Variants in TOM1L1 observed in about 807,000 individuals in gnomAD.
The protein encoded by TOM1L1 is TOM1-like protein 1.
Under a neutral mutation model 63.4 loss-of-function variants are expected in TOM1L1, and 64 were observed. That is an observed-to-expected ratio of 1.01 (90% confidence interval 0.83 to 1.24). TOM1L1 has a LOEUF of 1.24. TOM1L1 is among the 50% of genes most tolerant of loss of function. TOM1L1 has a pLI of 0.00. For missense variants in TOM1L1, 536 were observed against 567.0 expected, an observed-to-expected ratio of 0.95 and a Z score of 0.55; for synonymous variants, 166 against 194.4, an observed-to-expected ratio of 0.85 and a Z score of 1.22.
intron 7 of TOM1L1, among the ~76,000 whole-genome samples, chr17:54,923,244 T>C (rs1451771989): frequency 6.6e-6 from 1 of 152,212 alleles, no homozygotes; most frequent in African/African-American, 2.4e-5. Context: ...CTTTTGAGTA[T>C]CAACCTAAGA....
intron 7 of TOM1L1, among the ~76,000 whole-genome samples, chr17:54,924,788 AT>A (rs1216293298): frequency 9.9e-5 from 15 of 152,160 alleles, no homozygotes; most frequent in Non-Finnish European, 1.9e-4. Flanking sequence ...CTTCCCCTGG[AT>A]TTTATGTGAC....
intron 12 of TOM1L1, among the ~76,000 whole-genome samples, chr17:54,948,055 T>C (rs1414072156): frequency 1.3e-5 from 2 of 152,138 alleles, no homozygotes; most frequent in Non-Finnish European, 2.9e-5. Flanking sequence ...CCTTGGGTAA[T>C]AGCGCTTGAC....
intron 1 of TOM1L1, 134 bp from the exon 2 acceptor site, chr17:54,903,574 C>A (rs1252735091): frequency 3.9e-6 from 3 of 767,106 alleles, no homozygotes; most frequent in African/African-American, 1.8e-5. Flanking sequence ...AGAACTGTTC[C>A]AAAAAAAATC....
intron 7 of TOM1L1, among the ~76,000 whole-genome samples, chr17:54,922,243 A>C (rs1396130823): frequency 6.6e-6 from 1 of 152,048 alleles, no homozygotes; most frequent in Non-Finnish European, 1.5e-5. Context: ...CAGTGAGCCG[A>C]GATCAAGCCA....
At chr17:54,952,703 G>C (rs2049298032) in intron 14 of TOM1L1, 1 of 152,084 alleles carries the variant, frequency 6.6e-6, no homozygotes. Context: ...CCTCCTCCCT[G>C]TTCTGCTAAG....
intron 3 of TOM1L1, among the ~76,000 whole-genome samples, chr17:54,912,360 T>C (rs564708030): frequency 3.9e-5 from 6 of 152,314 alleles, no homozygotes; most frequent in Middle Eastern, 6.8e-3. Context: ...TATTATTCCA[T>C]CCATAGCTCA....
At chr17:54,928,361 A>G (rs183879885) in intron 7 of TOM1L1, among the ~76,000 whole-genome samples, 5 of 135,466 alleles carry the variant, frequency 3.7e-5, no homozygotes, top group Non-Finnish European at 3.2e-5. Flanking sequence ...ATAGATGGAA[A>G]AAAACCAAAA....
At chr17:54,943,668 A>G (rs1041900476) in intron 11 of TOM1L1, among the ~76,000 whole-genome samples, 5 of 152,210 alleles carry the variant, frequency 3.3e-5, no homozygotes, top group East Asian at 1.9e-4. Flanking sequence ...CCTAAAATCA[A>G]TGCTTTACTA....
rs147666479 is a variant in TOM1L1, at chr17:54,900,879, A to G, written c.14A>G (p.Lys5Arg). 20 of 1,613,658 alleles carry G rather than the reference A, an allele frequency of 1.2e-5. No individual in the cohort carries two copies. The highest frequency in any genetic ancestry group is 1.6e-5 in the Non-Finnish European group (19 of 1,180,010). Residue 5 changes from lysine (K) to arginine (R), a missense_variant, in exon 1 of 16, where the codon AAG becomes AGG. Lys to Arg is a conservative substitution (Grantham distance 26). Coordinates refer to ENST00000575882, the MANE Select transcript of TOM1L1 (RefSeq NM_005486.3). MAFG[K>R]SHRDPYATSV... ...TCTGGCGCTACCATGGCGTTTGGCA[A>G]GAGTCACCGGGATCCCTACGCGACC... is the stretch of plus-strand genomic sequence containing the variant.
At chr17:54,924,740 A>C (rs2048740773) in intron 7 of TOM1L1, among the ~76,000 whole-genome samples, 1 of 73,184 alleles carries the variant, frequency 1.4e-5, no homozygotes, top group East Asian at 3.5e-4. Context: ...AACATGATGT[A>C]ATCATTCAGT....
intron 10 of TOM1L1, 99 bp from the exon 11 acceptor site, chr17:54,938,821 TTTTC>T (rs1307338516): frequency 3.2e-6 from 2 of 623,742 alleles, no homozygotes; most frequent in South Asian, 2.8e-5. Flanking sequence ...TTTCTTTTTT[TTTTC>T]TTTTTCTTTT....
chr17:54,923,969 C>G (rs1263636604), intron 7 of TOM1L1, among the ~76,000 whole-genome samples: 2 of 151,868 alleles, frequency 1.3e-5, no homozygotes. Context: ...TCCAGCCTGG[C>G]GATACTACTT....
chr17:54,930,233 C>T, intron 8 of TOM1L1, 27 bp downstream of exon 8: 1 of 1,612,838 alleles, frequency 6.2e-7, no homozygotes, highest in Non-Finnish European at 8.5e-7. Context: ...CCCTCTTTAC[C>T]CCTCTTCCAT....
intron 11 of TOM1L1, among the ~76,000 whole-genome samples, chr17:54,945,954 T>C (rs1419146063): frequency 6.6e-6 from 1 of 152,212 alleles, no homozygotes; most frequent in African/African-American, 2.4e-5. Flanking sequence ...ATCTTGGACA[T>C]TTTTAATGTT....
At position 54,945,811 on chromosome 17, in the gene TOM1L1, G is replaced by A. The variant is rs148701802; in HGVS notation, c.1131-1450G>A. The stretch of plus-strand genomic sequence containing the variant: ...TTGTTTGCAGTTCTTTGGAGCATGT[G>A]TACAATAGCTGCCTTAAATATCTCT... On this transcript the variant is annotated intron_variant, in intron 11 of 15. Transcript: ENST00000575882. 3.4e-3 allele frequency among the ~76,000 whole-genome samples: 518 copies of A among 151,616 alleles called. 7 individuals are homozygous for A. The highest frequency in any genetic ancestry group is 0.012 in the African/African-American group (502 of 41,344).
At chr17:54,933,428 A>C (rs975677132) in intron 8 of TOM1L1, among the ~76,000 whole-genome samples, 1 of 152,226 alleles carries the variant, frequency 6.6e-6, no homozygotes, top group African/African-American at 2.4e-5. Flanking sequence ...TGAATTTAGA[A>C]AGTTAGTTTT....
chr17:54,921,566 T>G (rs2048684479), intron 7 of TOM1L1, among the ~76,000 whole-genome samples: 1 of 151,758 alleles, frequency 6.6e-6, no homozygotes, highest in African/African-American at 2.4e-5. Flanking sequence ...ATGTGAAACT[T>G]TGTCTCTACT....
At chr17:54,955,685 C>T (rs1447429331) in intron 14 of TOM1L1, among the ~76,000 whole-genome samples, 1 of 152,030 alleles carries the variant, frequency 6.6e-6, no homozygotes, top group Non-Finnish European at 1.5e-5. Context: ...GGCGATGTCT[C>T]TCAGTCTCCC....
At chr17:54,947,818 G>C (rs2049144708) in intron 12 of TOM1L1, among the ~76,000 whole-genome samples, 1 of 152,080 alleles carries the variant, frequency 6.6e-6, no homozygotes, top group Non-Finnish European at 1.5e-5. Context: ...TCATTCCTCT[G>C]TGGTCTTTTG....
Sources: gnomAD v4.1 joint callset for allele counts (sites outside exome capture counted in the v4.1 genomes callset) on GRCh38, gnomAD v4.1.1 for gene constraint, MANE v1.5 for transcripts, NCBI Gene and HGNC (gene_info 2026-07-23, HGNC 2026-07-21) for gene names.